The following DNAJC9 variants were observed in gnomAD, a reference collection of about 807,000 sequenced individuals.
The protein encoded by DNAJC9 is dnaJ homolog subfamily C member 9.
Under a neutral mutation model 32.4 loss-of-function variants are expected in DNAJC9, and 18 were observed. That is an observed-to-expected ratio of 0.56 (90% CI 0.38 to 0.82). The LOEUF is 0.82. Among genes scored for constraint, DNAJC9 ranks in the 40% least tolerant of loss-of-function variants. The pLI is 0.00. For missense variants in DNAJC9, 310 were observed against 321.8 expected, an observed-to-expected ratio of 0.96 and a Z score of 0.28; for synonymous variants, 113 against 122.1, an observed-to-expected ratio of 0.93 and a Z score of 0.49.
At chr10:73,233,551 C>G (rs950195675) in intron 2 of DNAJC9, among the ~76,000 whole-genome samples, 3 of 152,064 alleles carry the variant, frequency 2.0e-5, no homozygotes, top group Non-Finnish European at 4.4e-5. Flanking sequence ...GTCATGTTGC[C>G]CAGGCTGGTT....
Position 73,242,395 on chromosome 10 carries a change from T to C in DNAJC9, c.*1005A>G, listed in dbSNP as rs886693864. Reference sequence around the variant, plus strand: ...GTTCACTATAACAACTGGATCAATATGGCTTGCCTTTCAAAGTTAAAGAAT... The same window carrying C: ...GTTCACTATAACAACTGGATCAATACGGCTTGCCTTTCAAAGTTAAAGAAT... On this transcript the variant is annotated 3_prime_UTR_variant, in exon 5 of 5. Coordinates refer to ENST00000372950, the MANE Select transcript of DNAJC9 (RefSeq NM_015190.5). The C allele has an allele frequency of 1.3e-5, 2 of 151,144 alleles. No homozygotes were observed. The highest frequency in any genetic ancestry group is 6.6e-5 in the Admixed American group (1 of 15,206). 9.4% of individuals were successfully genotyped at this position (151,144 alleles called of 1,614,324 possible).
rs750731460 is a variant in DNAJC9, at chr10:73,245,939, T to C, written c.559A>G (p.Asn187Asp). 5.0e-6 allele frequency: 8 copies of C among 1,611,274 alleles called. No homozygotes were observed. Among genetic ancestry groups the C allele is most frequent in the Non-Finnish European group, 6.8e-6 (8 of 1,179,270 alleles). ...AATCTTACCCTCCTTTTCCTTGCATTCATCTTTTGTTTCGATTCTTTGACA... is the reference window on the plus strand; with the variant it reads ...AATCTTACCCTCCTTTTCCTTGCATCCATCTTTTGTTTCGATTCTTTGACA... ...AFVKESKQKMNARKRRAQEEA... is the reference protein window; with the variant it reads ...AFVKESKQKMDARKRRAQEEA... Residue 187 changes from asparagine (N) to aspartate (D), a missense_variant, in exon 3 of 5, where the codon AAT (asparagine) becomes GAT (aspartate). Transcript: ENST00000372950.
At chr10:73,232,341 A>G (rs987910244) in intron 2 of DNAJC9, among the ~76,000 whole-genome samples, 5 of 152,168 alleles carry the variant, frequency 3.3e-5, no homozygotes, top group African/African-American at 1.2e-4. Flanking sequence ...TATTTATGCA[A>G]ATAGGGCTAC....
At chr10:73,236,059 C>T (rs1439150146), downstream of DNAJC9, among the ~76,000 whole-genome samples, 2 of 152,172 alleles carry the variant, frequency 1.3e-5, no homozygotes, top group African/African-American at 4.8e-5. Flanking sequence ...TGACAGTTTT[C>T]AGGATGGTAG....
At chr10:73,243,608 AACT>A in intron 4 of DNAJC9, 89 bp from the exon 5 acceptor site, 3 of 1,524,152 alleles carry the variant, frequency 2.0e-6, no homozygotes, top group South Asian at 2.4e-5. Flanking sequence ...AAAGTGGAAT[AACT>A]ACTAATGGGT....
intron 3 of DNAJC9, among the ~76,000 whole-genome samples, chr10:73,245,366 C>T (rs141124015): frequency 6.9e-6 from 1 of 143,990 alleles, no homozygotes; most frequent in East Asian, 2.2e-4. Context: ...CTCCTCACCC[C>T]CACTGTCACT....
downstream of DNAJC9, chr10:73,235,215 G>C: frequency 6.4e-7 from 1 of 1,551,594 alleles, no homozygotes; most frequent in Non-Finnish European, 8.7e-7. Context: ...GACTCTAGTC[G>C]AGCTCAAAGT....
chr10:73,235,432 T>A (rs369049865), downstream of DNAJC9: 5 of 1,472,382 alleles, frequency 3.4e-6, no homozygotes, highest in South Asian at 4.2e-5. Flanking sequence ...AGAATAAAAG[T>A]TGAGTTTCCA....
downstream of DNAJC9, among the ~76,000 whole-genome samples, chr10:73,237,730 C>T (rs543758721): frequency 3.0e-4 from 45 of 152,150 alleles, no homozygotes; most frequent in Middle Eastern, 3.4e-3. Context: ...CCAAACATTT[C>T]ATTTTTTTTA....
intron 2 of DNAJC9, chr10:73,233,095 G>T: frequency 1.3e-6 from 2 of 1,551,644 alleles, no homozygotes; most frequent in African/African-American, 1.4e-5. Context: ...CTCTTCATCC[G>T]ATCAGCACGA....
Position 73,242,193 on chromosome 10 carries a change from A to G in DNAJC9, c.*1207T>C, listed in dbSNP as rs1314649220. On this transcript the variant is annotated 3_prime_UTR_variant, in exon 5 of 5. Coordinates refer to ENST00000372950, the MANE Select transcript of DNAJC9 (RefSeq NM_015190.5). ...CTATTTTTAACCTATTTGTAGTCAC[A>G]AACCGAAAACGTGTCGTCTTTACCT... The G allele has an allele frequency of 1.3e-5, 2 of 152,214 alleles. No individual in the cohort carries two copies. Among genetic ancestry groups the G allele is most frequent in the Admixed American group, 6.5e-5 (1 of 15,286 alleles). 9.4% of individuals were successfully genotyped at this position (152,214 alleles called of 1,614,324 possible). A position where few individuals can be genotyped will look rare whatever the true frequency, so the allele number is the denominator to read the frequency against.
chr10:73,243,580 T>C (rs1286659639), intron 4 of DNAJC9, 61 bp from the exon 5 acceptor site: 1 of 1,598,662 alleles, frequency 6.3e-7, no homozygotes. Context: ...AAGTACCTAG[T>C]GGTTGCCAGG....
At position 73,247,090 on chromosome 10, in the gene DNAJC9, C is replaced by T; in HGVS notation, c.100G>A (p.Gly34Ser). ...REASDGEVRR[G>S]YHKVSLQVHP... is the part of the protein sequence containing the mutation. ...ACCTGCAGGGACACCTTGTGGTAGC[C>T]TCGTCGGACCTCGCCGTCGGAGGCC... Residue 34 changes from glycine to serine, a missense_variant, in exon 1 of 5, where the codon GGC (glycine) becomes AGC (serine). By Grantham distance (56) the Gly-to-Ser change is moderately conservative. Transcript: ENST00000372950. The T allele has an allele frequency of 6.3e-7, 1 of 1,594,652 alleles. No individual in the cohort carries two copies.
intron 4 of DNAJC9, 52 bp downstream of exon 4, chr10:73,243,791 T>C: frequency 6.8e-7 from 1 of 1,468,136 alleles, no homozygotes; most frequent in African/African-American, 1.4e-5. Flanking sequence ...AAGAAAATAT[T>C]AGCAGTAGGA....
At chr10:73,245,841 G>A (rs1208643515) in intron 3 of DNAJC9, 81 bp downstream of exon 3, 3 of 1,535,466 alleles carry the variant, frequency 2.0e-6, no homozygotes, top group East Asian at 2.3e-5. Flanking sequence ...GGAGTTTTAT[G>A]TTTACTTCTA....
intron 3 of DNAJC9, 192 bp from the exon 4 acceptor site, chr10:73,244,121 C>T (rs2043982132): frequency 1.7e-6 from 1 of 572,312 alleles, no homozygotes; most frequent in African/African-American, 1.9e-5. Flanking sequence ...TCCTCTGATT[C>T]CAATTACCAT....
downstream of DNAJC9, among the ~76,000 whole-genome samples, chr10:73,239,762 T>C (rs2043900312): frequency 6.6e-6 from 1 of 152,150 alleles, no homozygotes; most frequent in South Asian, 2.1e-4. Context: ...GCAAAATCCA[T>C]ATTCCTATGG....
downstream of DNAJC9, among the ~76,000 whole-genome samples, chr10:73,236,002 C>G (rs1052384099): frequency 1.3e-5 from 2 of 152,188 alleles, no homozygotes; most frequent in African/African-American, 4.8e-5. Context: ...TGCTTTGTGG[C>G]AAGAGCACTT....
Position 73,247,215 on chromosome 10 carries a change from G to C in DNAJC9, c.-26C>G. ...GCCGGGCGGAGATACGACCCCGGAG[G>C]AAGCAGCCGCTCCCAGCTGCGCCGG... On this transcript the variant is annotated 5_prime_UTR_variant, in exon 1 of 5. Coordinates refer to ENST00000372950, the MANE Select transcript of DNAJC9 (RefSeq NM_015190.5). 1 of 1,575,784 alleles carries C rather than the reference G, an allele frequency of 6.3e-7. No homozygotes were observed. The highest frequency in any genetic ancestry group is 1.2e-5 in the South Asian group (1 of 86,572).
Sources: gnomAD v4.1 joint callset for allele counts (sites outside exome capture counted in the v4.1 genomes callset) on GRCh38, gnomAD v4.1.1 for gene constraint, MANE v1.5 for transcripts, NCBI Gene and HGNC (gene_info 2026-07-23, HGNC 2026-07-21) for gene names.